HOMER2: variants seen among roughly 807,000 people sequenced by gnomAD.
HOMER2 encodes homer scaffold protein 2, also known as homer protein homolog 2.
HOMER2 carries 27 observed loss-of-function variants against 47.0 expected under a neutral mutation model. The observed-to-expected ratio is 0.57, with a 90% CI of 0.42 to 0.79. The LOEUF is 0.79. Ranked by LOEUF, HOMER2 falls within the 30% of genes least tolerant of loss-of-function variation. The pLI, the probability that HOMER2 is intolerant of heterozygous loss-of-function variation, is 0.00. For synonymous variants in HOMER2, 161 were observed against 163.8 expected, an observed-to-expected ratio of 0.98 and a Z score of 0.13; for missense variants, 443 against 435.0, an observed-to-expected ratio of 1.02 and a Z score of -0.16.
rs10678643 is a variant in HOMER2, at chr15:82,868,541, ATT to A, written c.295-4284_295-4283del. ...ATTTATTTTATATATATATATATAT[ATT>A]TTTTTTTTTTTTTTTCCCCTTTTGA... On this transcript the variant is annotated intron_variant, in intron 3 of 8. Transcript: ENST00000450735. Among the ~76,000 whole-genome samples, 409 of 71,240 alleles carry A rather than the reference ATT, an allele frequency of 5.7e-3. 28 individuals carry two copies. Among genetic ancestry groups the A allele is most frequent in the South Asian group, 0.015 (30 of 2,032 alleles). 46.7% of individuals were successfully genotyped at this position (71,240 alleles called of 152,430 possible). A position where few individuals can be genotyped will look rare whatever the true frequency, so the allele number is the denominator to read the frequency against.
Position 82,915,377 on chromosome 15 carries a change from T to C in HOMER2, c.6-22536A>G, listed in dbSNP as rs557285565. 1.6e-4 allele frequency among the ~76,000 whole-genome samples: 25 copies of C among 152,276 alleles called. 2 individuals are homozygous for C. In the South Asian group the frequency reaches 3.5e-3, roughly 21 times the overall value. On this transcript the variant is annotated intron_variant, in intron 1 of 8. Coordinates refer to ENST00000450735, the MANE Select transcript of HOMER2 (RefSeq NM_004839.4). ...CCACTGTTGGAGTACTATACCTTGA[T>C]AGAATTCACTGGGAGGCAATTTATC... is the stretch of plus-strand genomic sequence containing the variant.
At chr15:82,855,582 G>A (rs533500071) in intron 5 of HOMER2, among the ~76,000 whole-genome samples, 2 of 152,310 alleles carry the variant, frequency 1.3e-5, no homozygotes, top group African/African-American at 2.4e-5. Context: ...TGGTCCCACT[G>A]TAACCTGTGC....
At chr15:82,874,515 T>G (rs1236268299) in intron 3 of HOMER2, among the ~76,000 whole-genome samples, 1 of 152,216 alleles carries the variant, frequency 6.6e-6, no homozygotes, top group African/African-American at 2.4e-5. Context: ...CTTGAGGTTC[T>G]CCAAGTCTGT....
At chr15:82,960,779 G>T (rs563258125) in intron 1 of HOMER2, among the ~76,000 whole-genome samples, 43 of 152,252 alleles carry the variant, frequency 2.8e-4, no homozygotes, top group African/African-American at 1.0e-3. Flanking sequence ...CATCTGGGAG[G>T]CCTCGGTGGT....
At chr15:82,986,084 T>A (rs1040064555), upstream of HOMER2, 15 of 985,354 alleles carry the variant, frequency 1.5e-5, no homozygotes, top group African/African-American at 1.6e-4. Context: ...CCACACCTCA[T>A]CGAGCTCTGG....
At chr15:82,845,217 T>TACACACACACACACAC (rs1567006473), downstream of HOMER2, 2 of 89,146 alleles carry the variant, frequency 2.2e-5, no homozygotes, top group Admixed American at 1.2e-4. Flanking sequence ...TTGCTGTTTC[T>TACACACACACACACAC]TCACACACAC....
chr15:82,954,641 T>C (rs2054569247), upstream of HOMER2, among the ~76,000 whole-genome samples: 1 of 151,896 alleles, frequency 6.6e-6, no homozygotes. Flanking sequence ...TATTTTACAC[T>C]ACAACCTGCA....
intron 1 of HOMER2, among the ~76,000 whole-genome samples, chr15:82,974,365 T>C (rs973621555): frequency 2.0e-5 from 3 of 150,402 alleles, no homozygotes; most frequent in Admixed American, 1.3e-4. Flanking sequence ...GATCGCGCCA[T>C]TGCACTCCCG....
chr15:82,892,653 G>T (rs1035152350), intron 2 of HOMER2, 32 bp downstream of exon 2: 1 of 1,454,208 alleles, frequency 6.9e-7, no homozygotes, highest in Non-Finnish European at 9.2e-7. Flanking sequence ...ATAAGCAACT[G>T]GGAGTATTAA....
intron 1 of HOMER2, among the ~76,000 whole-genome samples, chr15:82,923,443 C>T (rs1001538923): frequency 6.7e-6 from 1 of 149,148 alleles, no homozygotes; most frequent in African/African-American, 2.5e-5. Context: ...GCTGAGATCA[C>T]GCCATTGCAC....
chr15:82,933,915 A>G (rs1401098737), intron 1 of HOMER2, among the ~76,000 whole-genome samples: 3 of 152,128 alleles, frequency 2.0e-5, no homozygotes, highest in African/African-American at 7.2e-5. Context: ...AGGGGTGGAC[A>G]CCACACTTCC....
At chr15:82,926,679 C>A (rs1465126772) in intron 1 of HOMER2, 1 of 152,276 alleles carries the variant, frequency 6.6e-6, no homozygotes, top group African/African-American at 2.4e-5. Flanking sequence ...CACAGCAAGA[C>A]TGTCTTCAAA....
chr15:82,893,781 T>C (rs1876858138), intron 1 of HOMER2, among the ~76,000 whole-genome samples: 1 of 152,066 alleles, frequency 6.6e-6, no homozygotes, highest in Non-Finnish European at 1.5e-5. Context: ...GACACCACAC[T>C]TGGCTAATGT....
intron 3 of HOMER2, among the ~76,000 whole-genome samples, chr15:82,873,418 T>C (rs2052241232): frequency 1.3e-5 from 2 of 152,152 alleles, no homozygotes; most frequent in African/African-American, 2.4e-5. Flanking sequence ...TCTCTGCATA[T>C]GAAGTGAAGC....
intron 3 of HOMER2, among the ~76,000 whole-genome samples, chr15:82,868,544 T>TAC (rs1555421440): frequency 1.0e-5 from 1 of 98,002 alleles, no homozygotes; most frequent in Non-Finnish European, 2.0e-5. Context: ...TATATATATT[T>TAC]TTTTTTTTTT....
At chr15:82,910,045 A>C (rs1198599670) in intron 1 of HOMER2, among the ~76,000 whole-genome samples, 1 of 147,274 alleles carries the variant, frequency 6.8e-6, no homozygotes, top group Non-Finnish European at 1.5e-5. Context: ...AGGCAGGAGA[A>C]TCGCTTGAAC....
intron 2 of HOMER2, 65 bp downstream of exon 2, chr15:82,892,620 T>G: frequency 7.8e-7 from 1 of 1,286,158 alleles, no homozygotes; most frequent in Non-Finnish European, 1.0e-6. Context: ...ACGGCAGGAT[T>G]TTGGGTGCAT....
upstream of HOMER2, among the ~76,000 whole-genome samples, chr15:82,957,234 G>A (rs1225949298): frequency 1.3e-5 from 2 of 151,190 alleles, no homozygotes; most frequent in Middle Eastern, 3.4e-3. Flanking sequence ...CCAAGATACT[G>A]TGTCACTGCA....
chr15:82,853,414 C>T (rs1381993674), intron 6 of HOMER2, among the ~76,000 whole-genome samples: 1 of 152,182 alleles, frequency 6.6e-6, no homozygotes, highest in Admixed American at 6.5e-5. Flanking sequence ...GCCTGGTGCC[C>T]AACCGTCAGC....
Sources: allele counts gnomAD v4.1 joint callset (sites outside exome capture counted in the v4.1 genomes callset), GRCh38; gene constraint gnomAD v4.1.1; transcripts MANE v1.5; gene names NCBI Gene and HGNC (gene_info 2026-07-23, HGNC 2026-07-21).